Variants in PSG11 observed in about 807,000 individuals in gnomAD.
PSG11 encodes the protein pregnancy-specific beta-1-glycoprotein 11.
Under a neutral mutation model 36.0 loss-of-function variants are expected in PSG11, and 42 were observed. The observed-to-expected ratio is 1.17, with a 90% CI of 0.91 to 1.51. The LOEUF is 1.51. PSG11 is among the 40% of genes most tolerant of loss of function. The pLI, the probability that PSG11 is intolerant of heterozygous loss-of-function variation, is 0.00. For synonymous variants in PSG11, 206 were observed against 153.5 expected, an observed-to-expected ratio of 1.34 and a Z score of -2.53; for missense variants, 558 against 403.5, an observed-to-expected ratio of 1.38 and a Z score of -3.28.
intron 1 of PSG11, among the ~76,000 whole-genome samples, chr19:43,025,689 T>A: frequency 7.1e-6 from 1 of 140,648 alleles, no homozygotes; most frequent in South Asian, 2.3e-4. Context: ...TGAGGTTTTT[T>A]ATTGAGGACA....
At chr19:43,012,463 A>G (rs1348201473) in intron 4 of PSG11, among the ~76,000 whole-genome samples, 3 of 151,478 alleles carry the variant, frequency 2.0e-5, no homozygotes, top group Non-Finnish European at 1.5e-5. Context: ...TACAAAATCA[A>G]CATTCAAACA....
chr19:43,011,852 C>T (rs1974084796), intron 4 of PSG11, among the ~76,000 whole-genome samples: 1 of 150,204 alleles, frequency 6.7e-6, no homozygotes, highest in Non-Finnish European at 1.5e-5. Context: ...AATCACACCA[C>T]TGTATTCCAT....
chr19:43,023,246 G>T (rs1394087515), intron 2 of PSG11, among the ~76,000 whole-genome samples: 10 of 150,304 alleles, frequency 6.7e-5, no homozygotes, highest in Non-Finnish European at 8.9e-5. Context: ...GAACCTCCTA[G>T]GATTCTGCAT....
chr19:43,016,171 T>C (rs1966961694), intron 3 of PSG11: 7 of 1,393,892 alleles, frequency 5.0e-6, no homozygotes, highest in Admixed American at 2.2e-5. Context: ...CAATAGCTGG[T>C]GCGTGTGTCA....
chr19:43,013,496 G>C (rs1452873920), intron 4 of PSG11, among the ~76,000 whole-genome samples: 1 of 151,270 alleles, frequency 6.6e-6, no homozygotes, highest in Non-Finnish European at 1.5e-5. Context: ...TATCCAATAA[G>C]CCCATGCAAA....
intron 3 of PSG11, chr19:43,017,396 T>G (rs1966994084): frequency 6.6e-6 from 1 of 151,472 alleles, no homozygotes; most frequent in South Asian, 2.1e-4. Context: ...AATATATTCT[T>G]GCCCTTTTTT....
At chr19:43,017,692 T>C (rs1967000677) in intron 3 of PSG11, 1 of 151,426 alleles carries the variant, frequency 6.6e-6, no homozygotes, top group African/African-American at 2.4e-5. Flanking sequence ...TGCAACTCAC[T>C]TTGGGTAGTA....
At chr19:43,022,829 C>A (rs1040995941) in intron 2 of PSG11, among the ~76,000 whole-genome samples, 2 of 150,746 alleles carry the variant, frequency 1.3e-5, no homozygotes, top group Non-Finnish European at 3.0e-5. Context: ...GATTTCTGCA[C>A]CTTTCCTATT....
At chr19:43,018,280 GGTGA>G (rs1245896413) in intron 3 of PSG11, 1 of 197,886 alleles carries the variant, frequency 5.1e-6, no homozygotes, top group Non-Finnish European at 1.1e-5. Context: ...TCTGCCAGTG[GGTGA>G]GTGTCTATGA....
rs186180318 is a variant in PSG11, at chr19:43,012,659, C to T, written c.964+2457G>A. Among the ~76,000 whole-genome samples the T allele has an allele frequency of 3.3e-4, 50 of 151,430 alleles. 1 individual carries two copies. The highest frequency in any genetic ancestry group is 1.2e-3 in the African/African-American group (48 of 41,092). On this transcript the variant is annotated intron_variant, in intron 4 of 5. Transcript: ENST00000320078. ...AAGACAATATCAATAAATGGAAAGA[C>T]ATTTTGTTTTCATGAATTGGAAGAC...
At chr19:43,018,625 G>A in intron 3 of PSG11, 145 bp downstream of exon 3, 2 of 1,564,494 alleles carry the variant, frequency 1.3e-6, no homozygotes, top group Non-Finnish European at 8.8e-7. Flanking sequence ...ACTGTGGTTT[G>A]TCTGGGGCAG....
chr19:43,020,451 A>T (rs766972827), intron 2 of PSG11, among the ~76,000 whole-genome samples: 1 of 151,434 alleles, frequency 6.6e-6, no homozygotes, highest in Middle Eastern at 3.4e-3. Flanking sequence ...TCCCATAAAA[A>T]GTTGTCAGGA....
chr19:43,012,099 A>T (rs944891032), intron 4 of PSG11, among the ~76,000 whole-genome samples: 1 of 151,324 alleles, frequency 6.6e-6, no homozygotes, highest in African/African-American at 2.4e-5. Flanking sequence ...CATTTGATGA[A>T]ATTCAATATT....
At position 43,007,774 on chromosome 19, in the gene PSG11, C is replaced by G; in HGVS notation, c.*309G>C. On this transcript the variant is annotated 3_prime_UTR_variant, in exon 6 of 6. Transcript: ENST00000320078. Reference sequence around the variant, plus strand: ...TTCAATTTTTGTTTACAAAAGTATACTTTACCAATTGCTGAAGAAAAAAAT... The same window carrying G: ...TTCAATTTTTGTTTACAAAAGTATAGTTTACCAATTGCTGAAGAAAAAAAT... 3.9e-6 allele frequency: 1 copy of G among 258,814 alleles called. No individual in the cohort carries two copies. The highest frequency in any genetic ancestry group is 7.7e-6 in the Non-Finnish European group (1 of 130,274). The allele number at this position is 258,814 out of a possible 1,614,324, so 16.0% of individuals were successfully genotyped here. A position where few individuals can be genotyped will look rare whatever the true frequency, so the allele number is the denominator to read the frequency against.
rs747683975 is a variant in PSG11 at position 43,024,690 on chromosome 19, C to T, written c.430+1G>A. The T allele has an allele frequency of 3.6e-5, 58 of 1,609,620 alleles. No individual in the cohort carries two copies. Among genetic ancestry groups the T allele is most frequent in the Middle Eastern group, 3.3e-4 (2 of 6,070 alleles). On this transcript the variant is annotated splice_donor_variant, in intron 2 of 5. Transcript: ENST00000320078. LOFTEE classifies it high-confidence loss of function. Reference sequence around the variant, plus strand: ...CCCAGGGATCATGTGGAATCACTTACGGTATAAGGTGAAGGTGAAATATCC... The same window carrying T: ...CCCAGGGATCATGTGGAATCACTTATGGTATAAGGTGAAGGTGAAATATCC...
At chr19:43,019,110 T>G in intron 2 of PSG11, 62 bp from the exon 3 acceptor site, 1 of 1,576,722 alleles carries the variant, frequency 6.3e-7, no homozygotes, top group Non-Finnish European at 8.6e-7. Flanking sequence ...CAAAGGCATT[T>G]TTCAATCAGA....
chr19:43,010,895 A>G (rs1401585894), intron 4 of PSG11, among the ~76,000 whole-genome samples: 1 of 79,396 alleles, frequency 1.3e-5, no homozygotes, highest in Admixed American at 1.0e-4. Context: ...TTTTCCATAT[A>G]TATATATATA....
intron 1 of PSG11, among the ~76,000 whole-genome samples, chr19:43,025,934 C>CTTTTTTTTTTTTTTTT (rs1967240749): frequency 1.6e-5 from 1 of 61,482 alleles, no homozygotes; most frequent in African/African-American, 6.9e-5. Flanking sequence ...TTTTTTTTTT[C>CTTTTTTTTTTTTTTTT]TCTTTTTTTT....
At chr19:43,017,110 G>A (rs1219703626) in intron 3 of PSG11, 1 of 151,458 alleles carries the variant, frequency 6.6e-6, no homozygotes, top group Non-Finnish European at 1.5e-5. Flanking sequence ...AGAATCAGAA[G>A]TTGTTCATGG....
Sources: gnomAD v4.1 joint callset for allele counts (sites outside exome capture counted in the v4.1 genomes callset) on GRCh38, gnomAD v4.1.1 for gene constraint, MANE v1.5 for transcripts, NCBI Gene and HGNC (gene_info 2026-07-23, HGNC 2026-07-21) for gene names.